The following MIR2052HG variants were observed in gnomAD, a reference collection of about 807,000 sequenced individuals.
The protein encoded by MIR2052HG is MIR2052 host gene.
At chr8:74,665,432 T>A (rs549906370) in intron 2 of MIR2052HG, among the ~76,000 whole-genome samples, 1 of 152,260 alleles carries the variant, frequency 6.6e-6, no homozygotes, top group Non-Finnish European at 1.5e-5. Flanking sequence ...AAATCATAAC[T>A]CTTTTCTCAC....
intron 4 of MIR2052HG, among the ~76,000 whole-genome samples, chr8:74,719,917 G>A (rs1437498114): frequency 7.4e-6 from 1 of 134,526 alleles, no homozygotes; most frequent in Non-Finnish European, 1.5e-5. Context: ...GCATGATCTC[G>A]GCTCACTGCA....
At chr8:74,739,676 A>G (rs1370011392) in intron 4 of MIR2052HG, among the ~76,000 whole-genome samples, 1 of 152,228 alleles carries the variant, frequency 6.6e-6, no homozygotes, top group African/African-American at 2.4e-5. Context: ...TGGACAGCAT[A>G]GAAGGAATAC....
chr8:74,698,245 C>CA (rs35082820), intron 2 of MIR2052HG, among the ~76,000 whole-genome samples: 2,750 of 152,120 alleles, frequency 0.018, 79 homozygotes, highest in African/African-American at 0.063. Flanking sequence ...CAAACAAAAA[C>CA]AAAGTCGGGG....
At chr8:74,649,344 G>A (rs1009318342) in intron 2 of MIR2052HG, among the ~76,000 whole-genome samples, 1 of 151,962 alleles carries the variant, frequency 6.6e-6, no homozygotes, top group African/African-American at 2.4e-5. Flanking sequence ...TTTTGTGTGT[G>A]TGATTTAGTG....
intron 2 of MIR2052HG, among the ~76,000 whole-genome samples, chr8:74,693,464 C>T (rs1164752977): frequency 6.6e-6 from 1 of 151,906 alleles, no homozygotes; most frequent in African/African-American, 2.4e-5. Context: ...CAGATATGAG[C>T]ACAGAAGCCA....
chr8:74,602,865 C>CTT (rs1554570062), intron 1 of MIR2052HG, among the ~76,000 whole-genome samples: 15 of 142,660 alleles, frequency 1.1e-4, no homozygotes, highest in African/African-American at 3.7e-4. Context: ...TTCTTTCTTT[C>CTT]TTTCTTTCTT....
At chr8:74,657,642 C>A (rs556261321) in intron 2 of MIR2052HG, among the ~76,000 whole-genome samples, 2 of 152,264 alleles carry the variant, frequency 1.3e-5, no homozygotes, top group East Asian at 1.9e-4. Context: ...ACAATCATTG[C>A]GGAAGGTGAA....
At chr8:74,602,815 G>GTC (rs1338395340) in intron 1 of MIR2052HG, among the ~76,000 whole-genome samples, 6 of 22,526 alleles carry the variant, frequency 2.7e-4, no homozygotes, top group East Asian at 2.1e-3. Context: ...ATGCCCGGCC[G>GTC]TGTTTCTTTC....
At chr8:74,738,475 C>G (rs376038768) in intron 4 of MIR2052HG, among the ~76,000 whole-genome samples, 1 of 152,136 alleles carries the variant, frequency 6.6e-6, no homozygotes, top group East Asian at 1.9e-4. Flanking sequence ...CTTCCAAATA[C>G]CTGGTGGCTC....
chr8:74,642,585 A>G (rs974687192), intron 2 of MIR2052HG, among the ~76,000 whole-genome samples: 5 of 152,190 alleles, frequency 3.3e-5, no homozygotes, highest in Non-Finnish European at 5.9e-5. Context: ...CATATCAGTG[A>G]CATTTTATAT....
chr8:74,649,983 T>C (rs879597003), intron 2 of MIR2052HG, among the ~76,000 whole-genome samples: 4 of 152,144 alleles, frequency 2.6e-5, no homozygotes, highest in Non-Finnish European at 4.4e-5. Context: ...TGATTTGAAA[T>C]TTTTAGTATG....
At chr8:74,732,974 C>G (rs1809708273) in intron 4 of MIR2052HG, among the ~76,000 whole-genome samples, 2 of 152,066 alleles carry the variant, frequency 1.3e-5, no homozygotes, top group Admixed American at 1.3e-4. Context: ...TGGATGTTAT[C>G]TGGTTTAGGT....
intron 2 of MIR2052HG, among the ~76,000 whole-genome samples, chr8:74,647,833 G>A (rs149848692): frequency 0.043 from 6,615 of 152,120 alleles, 200 homozygotes; most frequent in South Asian, 0.076. Flanking sequence ...AACATAAATT[G>A]TGAATATTTC....
intron 2 of MIR2052HG, among the ~76,000 whole-genome samples, chr8:74,657,516 A>G (rs1808818820): frequency 6.6e-6 from 1 of 152,102 alleles, no homozygotes. Flanking sequence ...GACCCATCCT[A>G]GACCCACTGT....
chr8:74,671,911 G>A (rs529990907), intron 2 of MIR2052HG, among the ~76,000 whole-genome samples: 1 of 152,188 alleles, frequency 6.6e-6, no homozygotes, highest in African/African-American at 2.4e-5. Flanking sequence ...CCAAACATTT[G>A]CAGGTCAACT....
chr8:74,604,248 G>T (rs1469880497), intron 1 of MIR2052HG: 4 of 878,090 alleles, frequency 4.6e-6, no homozygotes, highest in African/African-American at 3.3e-5. Context: ...TTTCCATGTC[G>T]AGCAGTGTTC....
intron 4 of MIR2052HG, among the ~76,000 whole-genome samples, chr8:74,744,185 G>A (rs61244416): frequency 0.011 from 1,610 of 151,914 alleles, 32 homozygotes; most frequent in African/African-American, 0.036. Flanking sequence ...ATGAATCTTC[G>A]GGTTTGATTT....
chr8:74,617,799 T>C (rs1243366726), intron 2 of MIR2052HG, among the ~76,000 whole-genome samples: 1 of 152,206 alleles, frequency 6.6e-6, no homozygotes, highest in Non-Finnish European at 1.5e-5. Flanking sequence ...CCACAGAGGT[T>C]GTACTAGTTT....
intron 2 of MIR2052HG, among the ~76,000 whole-genome samples, chr8:74,623,181 G>A (rs559978474): frequency 6.6e-6 from 1 of 152,334 alleles, no homozygotes; most frequent in East Asian, 1.9e-4. Context: ...GTAGGTGATT[G>A]TTAGGTTAAT....
Sources: allele counts gnomAD v4.1 joint callset (sites outside exome capture counted in the v4.1 genomes callset), GRCh38; gene constraint gnomAD v4.1.1; transcripts MANE v1.5; gene names NCBI Gene and HGNC (gene_info 2026-07-23, HGNC 2026-07-21).